Variants in CYFIP2 observed in about 807,000 individuals in gnomAD.
CYFIP2 encodes cytoplasmic FMR1 interacting protein 2.
A neutral mutation model predicts 158.7 loss-of-function variants in CYFIP2; 29 were observed. The ratio of observed to expected loss-of-function variants is 0.18; its 90% CI spans 0.14 to 0.25. The LOEUF is 0.25. CYFIP2 is among the 10% of genes least tolerant of loss of function. The pLI is 1.00. For missense variants in CYFIP2, 852 were observed against 1,639.5 expected (o/e 0.52, Z 8.29); for synonymous variants, 585 against 617.6 (o/e 0.95, Z 0.78).
rs576911707 is a variant in CYFIP2 at position 157,271,136 on chromosome 5, T to C, written c.-24+4941T>C. On this transcript the variant is annotated intron_variant, in intron 1 of 30. Coordinates refer to ENST00000620254, the MANE Select transcript of CYFIP2 (RefSeq NM_001037333.3). Reference sequence around the variant, plus strand: ...CTTCGTGTGGGCCATGATAGATCGGTAAGATTTGAGAAGGGAAGAAGACAG... The same window carrying C: ...CTTCGTGTGGGCCATGATAGATCGGCAAGATTTGAGAAGGGAAGAAGACAG... 2.6e-5 allele frequency among the ~76,000 whole-genome samples: 4 copies of C among 152,158 alleles called. No homozygotes were observed. In the East Asian group the frequency reaches 7.7e-4, roughly 29 times the overall value.
At chr5:157,373,205 G>A (rs1024327951) in intron 26 of CYFIP2, among the ~76,000 whole-genome samples, 5 of 152,116 alleles carry the variant, frequency 3.3e-5, no homozygotes, top group Non-Finnish European at 7.3e-5. Context: ...TCTCTGCCTG[G>A]CTGCACAACC....
intron 21 of CYFIP2, 125 bp from the exon 22 acceptor site, chr5:157,338,932 A>T: frequency 1.1e-6 from 1 of 884,488 alleles, no homozygotes; most frequent in Non-Finnish European, 1.7e-6. Flanking sequence ...CCTAGTTCCC[A>T]TGTAGATGGC....
chr5:157,377,587 T>A (rs1765610606), intron 26 of CYFIP2, among the ~76,000 whole-genome samples: 1 of 152,202 alleles, frequency 6.6e-6, no homozygotes, highest in Non-Finnish European at 1.5e-5. Context: ...GTAAGGGTTG[T>A]GCATCTGGTC....
intron 22 of CYFIP2, among the ~76,000 whole-genome samples, chr5:157,339,841 C>G (rs1247228059): frequency 6.6e-6 from 1 of 152,136 alleles, no homozygotes; most frequent in East Asian, 1.9e-4. Context: ...AAGGGTTTCT[C>G]CAAGAAGTTG....
At chr5:157,297,571 A>G (rs1758359134) in intron 5 of CYFIP2, among the ~76,000 whole-genome samples, 1 of 152,162 alleles carries the variant, frequency 6.6e-6, no homozygotes, top group African/African-American at 2.4e-5. Flanking sequence ...CGGGAGCCCA[A>G]AATCTTTTTG....
chr5:157,352,268 C>G (rs941935112), intron 23 of CYFIP2, among the ~76,000 whole-genome samples: 2 of 152,184 alleles, frequency 1.3e-5, no homozygotes, highest in Admixed American at 1.3e-4. Context: ...TGACCTCAGG[C>G]AAATGCATCA....
intron 1 of CYFIP2, among the ~76,000 whole-genome samples, chr5:157,268,122 TACA>T: frequency 6.6e-6 from 1 of 152,358 alleles, no homozygotes; most frequent in East Asian, 1.9e-4. Flanking sequence ...TGTTGTTGCT[TACA>T]AAGTCAGTGC....
chr5:157,325,410 T>C (rs1760946375), intron 16 of CYFIP2, 72 bp from the exon 17 acceptor site: 1 of 1,447,434 alleles, frequency 6.9e-7, no homozygotes, highest in East Asian at 2.4e-5. Flanking sequence ...CAATGAAAAT[T>C]AATAAAAACA....
intron 1 of CYFIP2, among the ~76,000 whole-genome samples, chr5:157,272,295 G>A (rs714158): frequency 0.42 from 64,267 of 152,022 alleles, 13,711 homozygotes; most frequent in East Asian, 0.57. Flanking sequence ...TGGTCCCGGA[G>A]GACAGGAGCA....
chr5:157,362,872 G>T (rs1461135486), intron 26 of CYFIP2: 3 of 152,282 alleles, frequency 2.0e-5, no homozygotes, highest in Non-Finnish European at 4.4e-5. Context: ...AGCTGTCCCA[G>T]GCTGAGGGGA....
chr5:157,353,614 T>G (rs1038725823), intron 23 of CYFIP2, among the ~76,000 whole-genome samples: 7 of 152,234 alleles, frequency 4.6e-5, no homozygotes, highest in African/African-American at 1.7e-4. Flanking sequence ...TCCTTGGCAC[T>G]GTCTTGCTCT....
chr5:157,372,224 T>G (rs774541771), intron 26 of CYFIP2, among the ~76,000 whole-genome samples: 4 of 152,292 alleles, frequency 2.6e-5, no homozygotes, highest in Non-Finnish European at 4.4e-5. Context: ...TTAAGAAAAT[T>G]TTAAATATAG....
chr5:157,350,810 G>A (rs1372788382), intron 23 of CYFIP2, among the ~76,000 whole-genome samples: 1 of 152,186 alleles, frequency 6.6e-6, no homozygotes, highest in Non-Finnish European at 1.5e-5. Context: ...TCTTTCAACA[G>A]TATTTTGTAG....
intron 23 of CYFIP2, chr5:157,341,762 T>C (rs1762278199): frequency 6.4e-6 from 1 of 155,814 alleles, no homozygotes; most frequent in African/African-American, 2.4e-5. Context: ...TGCAGTGTCG[T>C]CCTGTGATTC....
chr5:157,302,996 G>A (rs1758906862), intron 7 of CYFIP2, 106 bp downstream of exon 7: 1 of 814,682 alleles, frequency 1.2e-6, no homozygotes, highest in South Asian at 1.8e-5. Flanking sequence ...TCAGTCTGCA[G>A]CTTCCATCTC....
At chr5:157,381,083 T>C (rs900795321) in intron 26 of CYFIP2, among the ~76,000 whole-genome samples, 1 of 152,004 alleles carries the variant, frequency 6.6e-6, no homozygotes, top group African/African-American at 2.4e-5. Flanking sequence ...GGTTCAAACA[T>C]AGAAAATGAT....
At position 157,278,338 on chromosome 5, in the gene CYFIP2, C is replaced by T. The variant is rs75481404; in HGVS notation, c.-23-7001C>T. Among the ~76,000 whole-genome samples, 1,455 of 152,178 alleles carry T rather than the reference C, an allele frequency of 9.6e-3. 33 individuals are homozygous for T. The highest frequency in any genetic ancestry group is 0.033 in the African/African-American group (1,374 of 41,512). On this transcript the variant is annotated intron_variant, in intron 1 of 30. Coordinates refer to ENST00000620254, the MANE Select transcript of CYFIP2 (RefSeq NM_001037333.3). ...TCATGAAACACAAAGGTGACAATTA[C>T]CTAATCTTTCTAGCTTGCCAGAGTT...
In CYFIP2 at chr5:157,303,398, G is replaced by A. The variant is rs148644669; in HGVS notation, c.666+508G>A. Among the ~76,000 whole-genome samples, 90 of 152,278 alleles carry A rather than the reference G, an allele frequency of 5.9e-4. No homozygotes were observed. The East Asian group carries it at 0.014, about 24-fold the overall frequency. On this transcript the variant is annotated intron_variant, in intron 7 of 30. Coordinates refer to ENST00000620254, the MANE Select transcript of CYFIP2 (RefSeq NM_001037333.3). The stretch of plus-strand genomic sequence containing the variant: ...GGAAGACATAGCTGTTATTGCTGCC[G>A]CTGCTTTGCCAGGGTACACCCCTCA...
chr5:157,367,150 G>A (rs117946193), intron 26 of CYFIP2, among the ~76,000 whole-genome samples: 14 of 152,284 alleles, frequency 9.2e-5, no homozygotes, highest in Admixed American at 8.5e-4. Flanking sequence ...TCACAGATCC[G>A]AATGCCAGTC....
Sources: allele counts gnomAD v4.1 joint callset (sites outside exome capture counted in the v4.1 genomes callset), GRCh38; gene constraint gnomAD v4.1.1; transcripts MANE v1.5; gene names NCBI Gene and HGNC (gene_info 2026-07-23, HGNC 2026-07-21).